HMGA2: variants seen among roughly 807,000 people sequenced by gnomAD.
The protein encoded by HMGA2 is high mobility group protein HMGI-C.
A neutral mutation model predicts 19.1 loss-of-function variants in HMGA2; 8 were observed. The observed-to-expected ratio is 0.42, with a 90% confidence interval of 0.25 to 0.76. The LOEUF is 0.76. Among genes scored for constraint, HMGA2 ranks in the 30% least tolerant of loss-of-function variants. The probability of loss-of-function intolerance (pLI) is 0.28; values close to 1 mark genes in which losing one functional copy is unlikely to be tolerated. For missense variants in HMGA2, 109 were observed against 136.3 expected (o/e 0.80, Z 1.00); for synonymous variants, 60 against 48.8 (o/e 1.23, Z -0.96).
intron 3 of HMGA2, among the ~76,000 whole-genome samples, chr12:65,890,070 A>G (rs548583376): frequency 6.6e-6 from 1 of 152,330 alleles, no homozygotes; most frequent in Non-Finnish European, 1.5e-5. Flanking sequence ...AAAAAAGCAA[A>G]GAACCTTACA....
At position 65,862,255 on chromosome 12, in the gene HMGA2, C is replaced by G. The variant is rs1279254017; in HGVS notation, c.249+23686C>G. Among the ~76,000 whole-genome samples the G allele has an allele frequency of 2.8e-5, 4 of 143,732 alleles. No homozygotes were observed. The Admixed American group carries it at 2.9e-4, about 10-fold the overall frequency. 94.3% of individuals were successfully genotyped at this position (143,732 alleles called of 152,430 possible). ...ACTTACCTTTTTTCAGATGTTATAA[C>G]AAATTTACCAAAATGCACCATACAC... is the stretch of plus-strand genomic sequence containing the variant. On this transcript the variant is annotated intron_variant, in intron 3 of 4. Transcript: ENST00000403681.
Position 65,829,368 on chromosome 12 carries a change from G to A in HMGA2, c.198+1281G>A, listed in dbSNP as rs920457487. Among the ~76,000 whole-genome samples, 13 of 152,062 alleles carry A rather than the reference G, an allele frequency of 8.5e-5. No homozygotes were observed. The East Asian group carries it at 2.3e-3, about 27-fold the overall frequency. On this transcript the variant is annotated intron_variant, in intron 2 of 4. Transcript: ENST00000403681. ...CTTTAAAATAGCTCTAAGTAACCTT[G>A]TTATTTAAAAATGGCAATATATAAT...
At position 65,891,578 on chromosome 12, in the gene HMGA2, C is replaced by T. The variant is rs531227553; in HGVS notation, c.249+53009C>T. 4.6e-5 allele frequency among the ~76,000 whole-genome samples: 7 copies of T among 152,270 alleles called. No homozygotes were observed. The East Asian group carries it at 1.2e-3, about 25-fold the overall frequency. On this transcript the variant is annotated intron_variant, in intron 3 of 4. Coordinates refer to ENST00000403681, the MANE Select transcript of HMGA2 (RefSeq NM_003483.6). ...CATCAACATGCATTGTTGAAAGTGA[C>T]ATGATGCACAGTGCTGGTTAAGAGT...
At chr12:65,855,204 C>T (rs1292814882) in intron 3 of HMGA2, among the ~76,000 whole-genome samples, 2 of 152,046 alleles carry the variant, frequency 1.3e-5, no homozygotes, top group African/African-American at 4.8e-5. Context: ...TTCCTTGTTT[C>T]ACATAGATTT....
chr12:65,907,358 C>A (rs964456136), intron 3 of HMGA2, among the ~76,000 whole-genome samples: 1 of 141,366 alleles, frequency 7.1e-6, no homozygotes, highest in Non-Finnish European at 1.5e-5. Context: ...TGCAGCGAAC[C>A]AAGATCATGC....
At chr12:65,907,704 A>G (rs1565728787) in intron 3 of HMGA2, among the ~76,000 whole-genome samples, 2 of 152,144 alleles carry the variant, frequency 1.3e-5, no homozygotes, top group Non-Finnish European at 2.9e-5. Context: ...GATTAACAGG[A>G]AATTATTGGA....
rs761247117 is a variant in HMGA2, at chr12:65,965,569, G to A, written c.*2277G>A. On this transcript the variant is annotated 3_prime_UTR_variant, in exon 5 of 5. Coordinates refer to ENST00000403681, the MANE Select transcript of HMGA2 (RefSeq NM_003483.6). ...CTCACTGTTGTGAATCACCAAAGGA[G>A]CTATGGAGAGAATTAAAACTCAACA... is the stretch of plus-strand genomic sequence containing the variant. 1.2e-4 allele frequency: 25 copies of A among 212,420 alleles called. No individual in the cohort carries two copies. The highest frequency in any genetic ancestry group is 2.3e-4 in the Non-Finnish European group (24 of 104,702). 13.2% of individuals were successfully genotyped at this position (212,420 alleles called of 1,614,324 possible).
intron 3 of HMGA2, chr12:65,860,085 C>CT (rs1565711001): frequency 2.3e-6 from 1 of 443,728 alleles, no homozygotes; most frequent in South Asian, 1.6e-5. Flanking sequence ...GAGCAAGACT[C>CT]TGTCTGAAAA....
intron 3 of HMGA2, chr12:65,915,023 C>A: frequency 6.2e-7 from 1 of 1,612,208 alleles, no homozygotes; most frequent in South Asian, 1.1e-5. Context: ...CTGAGGTATT[C>A]ATGCCATATG....
In HMGA2 at chr12:65,904,388, A is replaced by G. The variant is rs147546190; in HGVS notation, c.250-46995A>G. On this transcript the variant is annotated intron_variant, in intron 3 of 4. Transcript: ENST00000403681. ...ACTACACAATTATCAGTATGCCCTT[A>G]CCACATAGAACTGGGACCTATCTTG... Among the ~76,000 whole-genome samples, 11 of 152,368 alleles carry G rather than the reference A, an allele frequency of 7.2e-5. No homozygotes were observed. In the East Asian group the frequency reaches 2.1e-3, roughly 29 times the overall value.
rs373495323 is a variant in HMGA2, at chr12:65,941,994, T to C, written c.250-9389T>C. On this transcript the variant is annotated intron_variant, in intron 3 of 4. Coordinates refer to ENST00000403681, the MANE Select transcript of HMGA2 (RefSeq NM_003483.6). ...CGATTTCATATAATCTCTATCTGAA[T>C]AATTGGCCAAATGTCAAGAAGATGC... Among the ~76,000 whole-genome samples, 3 of 152,364 alleles carry C rather than the reference T, an allele frequency of 2.0e-5. No homozygotes were observed. The East Asian group carries it at 5.8e-4, about 29-fold the overall frequency.
chr12:65,858,670 TC>T (rs757484418), intron 3 of HMGA2: 15 of 152,158 alleles, frequency 9.9e-5, no homozygotes, highest in Non-Finnish European at 1.9e-4. Context: ...TATTTGACAT[TC>T]CAGGGGTTTA....
chr12:65,932,203 G>A (rs1875738760), intron 3 of HMGA2, among the ~76,000 whole-genome samples: 1 of 152,142 alleles, frequency 6.6e-6, no homozygotes, highest in Admixed American at 6.5e-5. Flanking sequence ...AATCTCAGGG[G>A]ATATTAATTT....
At chr12:65,892,575 C>G (rs553803865) in intron 3 of HMGA2, among the ~76,000 whole-genome samples, 1 of 152,186 alleles carries the variant, frequency 6.6e-6, no homozygotes, top group South Asian at 2.1e-4. Context: ...TCAGTTGGAT[C>G]GCTTTTAAGT....
chr12:65,842,759 C>G, intron 3 of HMGA2: 1 of 1,372,804 alleles, frequency 7.3e-7, no homozygotes, highest in Non-Finnish European at 9.4e-7. Context: ...GCCAGTCCTG[C>G]CAATTGAAAT....
At chr12:65,894,178 A>G (rs1874031849) in intron 3 of HMGA2, among the ~76,000 whole-genome samples, 1 of 152,232 alleles carries the variant, frequency 6.6e-6, no homozygotes, top group Non-Finnish European at 1.5e-5. Context: ...TCTATTTTAA[A>G]TAGAAAATCA....
chr12:65,892,765 GTTAAAAC>G (rs2121143837), intron 3 of HMGA2, among the ~76,000 whole-genome samples: 1 of 152,204 alleles, frequency 6.6e-6, no homozygotes, highest in Non-Finnish European at 1.5e-5. Flanking sequence ...TCATCCTGTT[GTTAAAAC>G]TTAAAACTAG....
chr12:65,833,758 A>G (rs1870579337), intron 2 of HMGA2, among the ~76,000 whole-genome samples: 1 of 152,194 alleles, frequency 6.6e-6, no homozygotes, highest in African/African-American at 2.4e-5. Flanking sequence ...ATTGGGTCTC[A>G]GTTCTACTAC....
intron 4 of HMGA2, chr12:65,954,645 G>C (rs902165196): frequency 3.9e-5 from 6 of 152,192 alleles, no homozygotes; most frequent in Non-Finnish European, 8.8e-5. Context: ...TGCATCTAGA[G>C]AGAAATGAAA....
Sources: allele counts gnomAD v4.1 joint callset (sites outside exome capture counted in the v4.1 genomes callset), GRCh38; gene constraint gnomAD v4.1.1; transcripts MANE v1.5; gene names NCBI Gene and HGNC (gene_info 2026-07-23, HGNC 2026-07-21).